FOXN4: variants seen among roughly 807,000 people sequenced by gnomAD.
The protein encoded by FOXN4 is forkhead box N4.
A neutral mutation model predicts 45.0 loss-of-function variants in FOXN4; 12 were observed. That is an observed-to-expected ratio of 0.27 (90% confidence interval 0.17 to 0.43). The LOEUF (loss-of-function observed/expected upper bound fraction) is 0.43, where lower values mean the gene tolerates loss of function less well. FOXN4 is among the 20% of genes least tolerant of loss of function. FOXN4 has a pLI of 1.00. For missense variants in FOXN4, 560 were observed against 694.9 expected, an observed-to-expected ratio of 0.81 and a Z score of 2.18; for synonymous variants, 297 against 295.0, an observed-to-expected ratio of 1.01 and a Z score of -0.07.
In FOXN4 at chr12:109,279,860, C is replaced by T. The variant is rs528815947; in HGVS notation, c.1365G>A (p.Pro455=). The T allele has an allele frequency of 2.8e-4, 444 of 1,613,908 alleles. 2 individuals carry two copies. In the South Asian group the frequency reaches 3.6e-3, roughly 13 times the overall value. Residue 455 remains proline, a synonymous_variant, in exon 10 of 10, where the codon CCG becomes CCA. Coordinates refer to ENST00000299162, the MANE Select transcript of FOXN4 (RefSeq NM_213596.3). ...LDTLGAFADS[P]LGCDLGASGL... ...CTGAGGCCCCCAGGTCACAGCCAAG[C>T]GGGGAGTCTGCAAAGGCGCCCAGTG...
chr12:109,300,799 CTTAGGAGGCTGAG>C (rs1296216343), intron 2 of FOXN4, among the ~76,000 whole-genome samples: 4 of 152,100 alleles, frequency 2.6e-5, no homozygotes, highest in Non-Finnish European at 4.4e-5. Context: ...GTCCCAGCTA[CTTAGGAGGCTGAG>C]GCAGGAGGAT....
At chr12:109,307,521 T>C (rs2047932658) in intron 2 of FOXN4, among the ~76,000 whole-genome samples, 1 of 151,712 alleles carries the variant, frequency 6.6e-6, no homozygotes, top group Non-Finnish European at 1.5e-5. Flanking sequence ...TCCCCAACTG[T>C]AAAAAAAATA....
At position 109,308,219 on chromosome 12, in the gene FOXN4, A is replaced by G; in HGVS notation, c.86+17T>C. On this transcript the variant is annotated intron_variant, in intron 2 of 9. Transcript: ENST00000299162. ...GCAATTAAAAAATATATAGTTTGTT[A>G]TTGTTGGAGCCCTCACCTGTATTCC... 6.5e-7 allele frequency: 1 copy of G among 1,533,876 alleles called. No individual in the cohort carries two copies. The highest frequency in any genetic ancestry group is 1.4e-5 in the African/African-American group (1 of 72,384).
intron 2 of FOXN4, among the ~76,000 whole-genome samples, chr12:109,302,809 A>G (rs1038441641): frequency 2.8e-4 from 43 of 152,306 alleles, no homozygotes; most frequent in African/African-American, 1.0e-3. Flanking sequence ...CCCTGATTAC[A>G]ACAAGGTTTC....
rs1166027475 is a variant in FOXN4 at position 109,281,492 on chromosome 12, A to G, written c.1209T>C (p.Ala403=). Reference sequence around the variant, plus strand: ...TGCTGATGTTGATGAAGTCTACAGGAGCCCTTCCCATGGCGGGGTGGGGGA... The same window carrying G: ...TGCTGATGTTGATGAAGTCTACAGGGGCCCTTCCCATGGCGGGGTGGGGGA... ...SPLPHPAMGR[A]PVDFINISTD... The change falls in exon 9 of 10, where the codon GCT becomes GCC. Residue 403 remains alanine (A), a synonymous_variant. Coordinates refer to ENST00000299162, the MANE Select transcript of FOXN4 (RefSeq NM_213596.3). 2 of 1,613,870 alleles carry G rather than the reference A, an allele frequency of 1.2e-6. No individual in the cohort carries two copies. Among genetic ancestry groups the G allele is most frequent in the South Asian group, 2.2e-5 (2 of 91,074 alleles).
chr12:109,285,649 T>C (rs2047702866), intron 7 of FOXN4, 138 bp from the exon 8 acceptor site: 2 of 896,538 alleles, frequency 2.2e-6, no homozygotes, highest in Non-Finnish European at 3.4e-6. Flanking sequence ...CAGCCTCAAG[T>C]TGGAGAGACA....
chr12:109,305,386 T>C (rs1310322189), intron 2 of FOXN4, among the ~76,000 whole-genome samples: 1 of 151,938 alleles, frequency 6.6e-6, no homozygotes, highest in East Asian at 1.9e-4. Context: ...ATTGTTGTTA[T>C]TATTATTATT....
intron 8 of FOXN4, 145 bp downstream of exon 8, chr12:109,285,159 T>G: frequency 5.0e-5 from 43 of 868,258 alleles, no homozygotes; most frequent in East Asian, 5.9e-5. Context: ...TGTGTGCGCA[T>G]ATTTGTGTGT....
At chr12:109,285,244 C>CATGTGTGTGT in intron 8 of FOXN4, 60 bp downstream of exon 8, 1 of 1,353,240 alleles carries the variant, frequency 7.4e-7, no homozygotes, top group Non-Finnish European at 1.0e-6. Flanking sequence ...CTTCCTCTTC[C>CATGTGTGTGT]GTGTGTGTGT....
At chr12:109,304,270 A>AGAAAGAAAGAAAGAAAGAAG (rs1566005606) in intron 2 of FOXN4, among the ~76,000 whole-genome samples, 6 of 100,290 alleles carry the variant, frequency 6.0e-5, no homozygotes, top group African/African-American at 2.6e-4. Flanking sequence ...AAAGAAAGAA[A>AGAAAGAAAGAAAGAAAGAAG]GAAAGAAAGA....
In FOXN4 at chr12:109,291,941, C is replaced by T. The variant is rs1299086221; in HGVS notation, c.87-1655G>A. ...GCCCCCCGGCTGCCACCCCTCCGGC[C>T]GCCACCCCTCCGGCTGCCACCCCTC... On this transcript the variant is annotated intron_variant, in intron 2 of 9. Transcript: ENST00000299162. This position sits in a 1 kb window ranked among gnomAD's most constrained non-coding sequence, Gnocchi z 6.6. Among the ~76,000 whole-genome samples, 2 of 149,096 alleles carry T rather than the reference C, an allele frequency of 1.3e-5. No individual in the cohort carries two copies. The highest frequency in any genetic ancestry group is 2.9e-5 in the Non-Finnish European group (2 of 67,954).
In FOXN4 at chr12:109,309,155, CTCCGGGGGTGGGCAGGGGT is replaced by C. The variant is rs1365413452; in HGVS notation, c.-59_-41del. On this transcript the variant is annotated 5_prime_UTR_variant, in exon 1 of 10. Coordinates refer to ENST00000299162, the MANE Select transcript of FOXN4 (RefSeq NM_213596.3). The surrounding 1 kb of genome is among the most constrained non-coding windows in gnomAD (Gnocchi z 5.0). ...CCTCGCGGGGCCGCCGCTGCCGGCGCTCCGGGGGTGGGCAGGGGTTCCGGAGGGGGGCTCCCTCGCGCTC... is the reference window on the plus strand; with the variant it reads ...CCTCGCGGGGCCGCCGCTGCCGGCGCTCCGGAGGGGGGCTCCCTCGCGCTC... 1 of 152,244 alleles carries C rather than the reference CTCCGGGGGTGGGCAGGGGT, an allele frequency of 6.6e-6. No individual in the cohort carries two copies. Among genetic ancestry groups the C allele is most frequent in the Non-Finnish European group, 1.5e-5 (1 of 68,058 alleles). 9.4% of individuals were successfully genotyped at this position (152,244 alleles called of 1,614,324 possible).
Position 109,285,306 on chromosome 12 carries a change from G to T in FOXN4, c.899C>A (p.Pro300His). Residue 300 changes from proline to histidine, a missense_variant and splice_region_variant, in exon 8 of 10, where the codon CCT becomes CAT. Physicochemically the swap from Pro to His is moderately conservative, Grantham distance 77. Coordinates refer to ENST00000299162, the MANE Select transcript of FOXN4 (RefSeq NM_213596.3). ...ACTGCGGGCTGTCCGGCCCTCACCA[G>T]GGTTGGCCATACTCCGGTGGATGGC... ...LAAIHRSMAN[P>H]EELDKLISDR... 5 of 1,606,272 alleles carry T rather than the reference G, an allele frequency of 3.1e-6. No homozygotes were observed. The highest frequency in any genetic ancestry group is 4.2e-6 in the Non-Finnish European group (5 of 1,176,588).
Position 109,288,474 on chromosome 12 carries a change from C to T in FOXN4, c.233-294G>A, listed in dbSNP as rs1375531391. Among the ~76,000 whole-genome samples the T allele has an allele frequency of 6.6e-6, 1 of 152,154 alleles. No individual in the cohort carries two copies. The highest frequency in any genetic ancestry group is 1.5e-5 in the Non-Finnish European group (1 of 68,038). ...GATAATGTCTATCAAGTGCTTAGCA[C>T]ACTGCTGGGCACATGATAATATCTC... is the stretch of plus-strand genomic sequence containing the variant. On this transcript the variant is annotated intron_variant, in intron 3 of 9. Coordinates refer to ENST00000299162, the MANE Select transcript of FOXN4 (RefSeq NM_213596.3). The surrounding 1 kb of genome is among the most constrained non-coding windows in gnomAD (Gnocchi z 4.3).
Position 109,291,646 on chromosome 12 carries a change from G to T in FOXN4, c.87-1360C>A, listed in dbSNP as rs530436295. Among the ~76,000 whole-genome samples, 1 of 152,044 alleles carries T rather than the reference G, an allele frequency of 6.6e-6. No homozygotes were observed. Among genetic ancestry groups the T allele is most frequent in the South Asian group, 2.1e-4 (1 of 4,790 alleles). Reference sequence around the variant, plus strand: ...CTTGTGTTTTAGGGCCACAATTAGCGTTGCCATGGCCACACTGCTCAGTTG... The same window carrying T: ...CTTGTGTTTTAGGGCCACAATTAGCTTTGCCATGGCCACACTGCTCAGTTG... On this transcript the variant is annotated intron_variant, in intron 2 of 9. Coordinates refer to ENST00000299162, the MANE Select transcript of FOXN4 (RefSeq NM_213596.3). The surrounding 1 kb of genome is among the most constrained non-coding windows in gnomAD (Gnocchi z 6.6).
At position 109,286,643 on chromosome 12, in the gene FOXN4, C is replaced by T. The variant is rs2047713944; in HGVS notation, c.693+5G>A. Reference sequence around the variant, plus strand: ...CCAGCACCCCTACCCTAGCTTGGGACTCACCTTGAAGTAGGGGAAGTGCTC... The same window carrying T: ...CCAGCACCCCTACCCTAGCTTGGGATTCACCTTGAAGTAGGGGAAGTGCTC... On this transcript the variant is annotated splice_donor_5th_base_variant and intron_variant, in intron 7 of 9. Transcript: ENST00000299162. 2 of 1,605,876 alleles carry T rather than the reference C, an allele frequency of 1.2e-6. No individual in the cohort carries two copies. The highest frequency in any genetic ancestry group is 1.3e-5 in the African/African-American group (1 of 74,868).
chr12:109,281,502 A>G lies in FOXN4; in HGVS notation c.1199T>C (p.Met400Thr), dbSNP rs748944698. 8.1e-6 allele frequency: 13 copies of G among 1,613,650 alleles called. No individual in the cohort carries two copies. The highest frequency in any genetic ancestry group is 6.7e-5 in the East Asian group (3 of 44,868). Residue 400 changes from methionine (M) to threonine (T), a missense_variant, in exon 9 of 10, where the codon ATG becomes ACG. Around this residue, in one of 5 missense-constraint regions of FOXN4, gnomAD observed 315 missense variants for 350.5 expected, o/e 0.90. Coordinates refer to ENST00000299162, the MANE Select transcript of FOXN4 (RefSeq NM_213596.3). ...LSPSPLPHPA[M>T]GRAPVDFINI... ...GATGAAGTCTACAGGAGCCCTTCCCATGGCGGGGTGGGGGAGCGGGCTGGG... is the reference window on the plus strand; with the variant it reads ...GATGAAGTCTACAGGAGCCCTTCCCGTGGCGGGGTGGGGGAGCGGGCTGGG...
intron 7 of FOXN4, among the ~76,000 whole-genome samples, chr12:109,286,301 C>G (rs2047709701): frequency 6.6e-6 from 1 of 152,336 alleles, no homozygotes; most frequent in East Asian, 1.9e-4. Flanking sequence ...TTCTCCACCC[C>G]TGACAGATGA....
Position 109,281,397 on chromosome 12 carries a change from C to A in FOXN4, c.1294+10G>T. 1.9e-6 allele frequency: 3 copies of A among 1,613,424 alleles called. No individual in the cohort carries two copies. The highest frequency in any genetic ancestry group is 2.5e-6 in the Non-Finnish European group (3 of 1,179,582). ...ATTCCATTCCCATCACTCCATTCCT[C>A]CAGCCTCACCCTGCAGAGCGAAGTC... is the stretch of plus-strand genomic sequence containing the variant. On this transcript the variant is annotated intron_variant, in intron 9 of 9. Coordinates refer to ENST00000299162, the MANE Select transcript of FOXN4 (RefSeq NM_213596.3).
Sources: allele counts gnomAD v4.1 joint callset (sites outside exome capture counted in the v4.1 genomes callset), GRCh38; gene constraint gnomAD v4.1.1; regional missense constraint gnomAD v4.1.1; non-coding constraint Gnocchi (gnomAD v3.1); transcripts MANE v1.5; gene names NCBI Gene and HGNC (gene_info 2026-07-23, HGNC 2026-07-21).